Variants in CUBN observed in about 807,000 individuals in gnomAD.
CUBN encodes the protein 460 kDa receptor.
A neutral mutation model predicts 405.3 loss-of-function variants in CUBN; 282 were observed. The observed-to-expected ratio is 0.70, with a 90% confidence interval of 0.63 to 0.77. The LOEUF is 0.77. CUBN is among the 30% of genes least tolerant of loss of function. The pLI, the probability that CUBN is intolerant of heterozygous loss-of-function variation, is 0.00. For missense variants in CUBN, 4,514 were observed against 4,475.2 expected (o/e 1.01, Z -0.25); for synonymous variants, 1,684 against 1,617.0 (o/e 1.04, Z -0.99).
chr10:17,090,800 A>G (rs1001335394), intron 14 of CUBN, among the ~76,000 whole-genome samples: 38 of 140,988 alleles, frequency 2.7e-4, no homozygotes, highest in African/African-American at 9.0e-4. Flanking sequence ...TTTTTACTGT[A>G]TGAGAGAAGA....
At chr10:17,123,478 G>A in intron 5 of CUBN, 110 bp downstream of exon 5, 1 of 863,986 alleles carries the variant, frequency 1.2e-6, no homozygotes, top group Admixed American at 2.0e-5. Flanking sequence ...GATTTGGGAG[G>A]CCACAGAATC....
At chr10:16,917,005 G>C (rs1167564153) in intron 45 of CUBN, among the ~76,000 whole-genome samples, 2 of 151,572 alleles carry the variant, frequency 1.3e-5, no homozygotes, top group Non-Finnish European at 2.9e-5. Flanking sequence ...GTGGAGACAG[G>C]GTTTCACCAT....
At chr10:16,940,503 T>A (rs769815902) in intron 36 of CUBN, among the ~76,000 whole-genome samples, 1 of 152,164 alleles carries the variant, frequency 6.6e-6, no homozygotes, top group South Asian at 2.1e-4. Context: ...AAAAAAAATA[T>A]ATAAGGCAGA....
At position 16,891,394 on chromosome 10, in the gene CUBN, G is replaced by A. The variant is rs561161221; in HGVS notation, c.8599-867C>T. Among the ~76,000 whole-genome samples the A allele has an allele frequency of 1.1e-4, 16 of 152,206 alleles. 1 individual carries two copies. The South Asian group carries it at 2.5e-3, about 24-fold the overall frequency. On this transcript the variant is annotated intron_variant, in intron 54 of 66. Coordinates refer to ENST00000377833, the MANE Select transcript of CUBN (RefSeq NM_001081.4). ...TAACTGGGGGAAGTGAGCCTGCCCC[G>A]AGCGAACCCCGATGGCAGGAAAGGC...
At chr10:16,969,323 T>C (rs1843486221) in intron 31 of CUBN, among the ~76,000 whole-genome samples, 1 of 152,000 alleles carries the variant, frequency 6.6e-6, no homozygotes, top group Non-Finnish European at 1.5e-5. Context: ...CTGCTGTGGG[T>C]TCTGTGAAAG....
rs1269301389 is a variant in CUBN, at chr10:16,918,626, A to G, written c.6996T>C (p.Ser2332=). 11 of 1,612,718 alleles carry G rather than the reference A, an allele frequency of 6.8e-6. No individual in the cohort carries two copies. The highest frequency in any genetic ancestry group is 1.1e-5 in the South Asian group (1 of 91,034). Residue 2332 remains serine (S), a synonymous_variant, in exon 45 of 67, where the codon TCT becomes TCC. Transcript: ENST00000377833. ...PTHVGFKAKY[S]IAQCGGRVPG... ...AAGTTTTAAAAAAATTATTACCTAT[A>G]GAATACTTGGCCTTGAATCCCACAT...
intron 28 of CUBN, among the ~76,000 whole-genome samples, chr10:17,012,409 G>A (rs1452186277): frequency 6.6e-6 from 1 of 152,218 alleles, no homozygotes; most frequent in Non-Finnish European, 1.5e-5. Context: ...CCCAAAGAAG[G>A]TGCAAAGTCC....
intron 22 of CUBN, among the ~76,000 whole-genome samples, chr10:17,061,355 C>A (rs1182822107): frequency 6.6e-6 from 1 of 152,102 alleles, no homozygotes; most frequent in African/African-American, 2.4e-5. Context: ...GCACCCTAGA[C>A]CTATTTTAAT....
chr10:17,059,274 A>G (rs1226014739), intron 22 of CUBN, among the ~76,000 whole-genome samples: 1 of 152,150 alleles, frequency 6.6e-6, no homozygotes, highest in East Asian at 1.9e-4. Context: ...GACTTGGCTC[A>G]TTATCAAAGG....
In CUBN at chr10:16,840,418, T is replaced by C; in HGVS notation, c.9944A>G (p.His3315Arg). ...ICTWVIDSPP[H>R]QQVKITVWAL... ...CCACACAGTTATCTTGACCTGCTGA[T>C]GCGGAGGGGAATCAATGACCCAAGT... Residue 3315 changes from histidine to arginine, a missense_variant, in exon 62 of 67, where the codon CAT becomes CGT. Physicochemically the swap from His to Arg is conservative, Grantham distance 29 (BLOSUM62 0). Coordinates refer to ENST00000377833, the MANE Select transcript of CUBN (RefSeq NM_001081.4). 3 of 1,614,114 alleles carry C rather than the reference T, an allele frequency of 1.9e-6. No individual in the cohort carries two copies. The highest frequency in any genetic ancestry group is 2.5e-6 in the Non-Finnish European group (3 of 1,180,006).
rs1325425384 is a variant in CUBN, at chr10:17,046,012, T to G, written c.3412A>C (p.Lys1138Gln). Reference protein sequence around the residue: ...LPPTIISHSNKLWLKFKSDQI... With the variant: ...LPPTIISHSNQLWLKFKSDQI... The stretch of plus-strand genomic sequence containing the variant: ...TCACTCTTAAATTTTAACCATAGTT[T>G]GTTACTATGAGAGATGATTGTTGGG... Residue 1138 changes from lysine to glutamine, a missense_variant, in exon 24 of 67, where the codon AAA becomes CAA. Physicochemically the swap from Lys to Gln is moderately conservative, Grantham distance 53. Around this residue, in one of 5 missense-constraint regions of CUBN, gnomAD observed 1,448 missense variants for 1,388.0 expected, o/e 1.04. Transcript: ENST00000377833. 2.2e-5 allele frequency: 36 copies of G among 1,613,224 alleles called. No individual in the cohort carries two copies. Among genetic ancestry groups the G allele is most frequent in the Non-Finnish European group, 3.1e-5 (36 of 1,179,186 alleles).
intron 14 of CUBN, among the ~76,000 whole-genome samples, chr10:17,092,467 G>A (rs1055208616): frequency 2.0e-5 from 3 of 152,078 alleles, no homozygotes; most frequent in African/African-American, 4.8e-5. Flanking sequence ...TCATAGTCAC[G>A]GGATGAGATA....
intron 38 of CUBN, 28 bp from the exon 39 acceptor site, chr10:16,937,812 T>C (rs199895831): frequency 1.1e-5 from 18 of 1,576,146 alleles, no homozygotes; most frequent in Admixed American, 5.0e-5. Flanking sequence ...TAATAGAGCA[T>C]TGTATTATCT....
At chr10:17,045,323 T>C in intron 24 of CUBN, 135 bp from the exon 25 acceptor site, 2 of 873,868 alleles carry the variant, frequency 2.3e-6, no homozygotes, top group Non-Finnish European at 1.8e-6. Context: ...CATGAAAGAG[T>C]AGTTATAGCC....
chr10:16,961,529 G>A (rs1162774005), intron 31 of CUBN, among the ~76,000 whole-genome samples: 1 of 152,110 alleles, frequency 6.6e-6, no homozygotes, highest in African/African-American at 2.4e-5. Context: ...TTCTAGTTCT[G>A]GAGGCCTGTG....
intron 31 of CUBN, among the ~76,000 whole-genome samples, chr10:16,980,161 A>T (rs1833222217): frequency 6.6e-6 from 1 of 152,256 alleles, no homozygotes; most frequent in Non-Finnish European, 1.5e-5. Flanking sequence ...CACGCCAGTT[A>T]GAATGGCAAT....
chr10:16,947,151 T>C, intron 36 of CUBN, 84 bp downstream of exon 36: 1 of 1,395,282 alleles, frequency 7.2e-7, no homozygotes, highest in Non-Finnish European at 1.0e-6. Context: ...ACGTACACTA[T>C]GAGTTGCCCA....
intron 55 of CUBN, among the ~76,000 whole-genome samples, chr10:16,889,953 A>AAGAAAAAAAAAAAAAAG (rs57009841): frequency 8.5e-6 from 1 of 118,014 alleles, no homozygotes; most frequent in African/African-American, 4.2e-5. Context: ...AAAAAAAAAA[A>AAGAAAAAAAAAAAAAAG]CAGGAAAGAC....
chr10:17,117,196 C>T (rs1009890017), intron 6 of CUBN, among the ~76,000 whole-genome samples: 2 of 151,372 alleles, frequency 1.3e-5, no homozygotes, highest in Non-Finnish European at 2.9e-5. Flanking sequence ...TCCTCTTTGT[C>T]CTCCCATCTT....
Sources: gnomAD v4.1 joint callset for allele counts (sites outside exome capture counted in the v4.1 genomes callset) on GRCh38, gnomAD v4.1.1 for gene constraint, gnomAD v4.1.1 regional missense constraint, MANE v1.5 for transcripts, NCBI Gene and HGNC (gene_info 2026-07-23, HGNC 2026-07-21) for gene names.